The following LAMB1 variants were observed in gnomAD, a reference collection of about 807,000 sequenced individuals.
LAMB1 encodes laminin subunit beta-1.
In LAMB1, 121 loss-of-function variants were observed where a neutral mutation model predicts 222.3. That is an observed-to-expected ratio of 0.54 (90% confidence interval 0.47 to 0.63). LAMB1 has a LOEUF of 0.63. Among genes scored for constraint, LAMB1 ranks in the 30% least tolerant of loss-of-function variants. The pLI is 0.00. For synonymous variants in LAMB1, 794 were observed against 807.2 expected (o/e 0.98, Z 0.28); for missense variants, 2,172 against 2,240.8 (o/e 0.97, Z 0.62).
intron 21 of LAMB1, among the ~76,000 whole-genome samples, chr7:107,954,280 C>T (rs1181833109): frequency 6.6e-6 from 1 of 151,964 alleles, no homozygotes; most frequent in African/African-American, 2.4e-5. Flanking sequence ...TCAGCTTTCC[C>T]AGCAGCTGGG....
intron 13 of LAMB1, among the ~76,000 whole-genome samples, chr7:107,968,646 G>C (rs904844077): frequency 6.6e-6 from 1 of 151,996 alleles, no homozygotes; most frequent in Non-Finnish European, 1.5e-5. Flanking sequence ...ATGGAGAGAG[G>C]GGACCATGAG....
In LAMB1 at chr7:107,986,076, G is replaced by A. The variant is rs142924307; in HGVS notation, c.622C>T (p.Arg208Cys). 2.5e-6 allele frequency: 4 copies of A among 1,612,116 alleles called. No individual in the cohort carries two copies. The highest frequency in any genetic ancestry group is 1.1e-5 in the South Asian group (1 of 91,016). ...EPSTEGEVIF[R>C]ALDPAFKIED... Reference sequence around the variant, plus strand: ...ATTTTGAAAGCAGGATCTAAAGCACGAAATATCACCTAAAAATGGAAACAA... The same window carrying A: ...ATTTTGAAAGCAGGATCTAAAGCACAAAATATCACCTAAAAATGGAAACAA... The change falls in exon 7 of 34, where the codon CGT becomes TGT. Residue 208 changes from arginine (R) to cysteine (C), a missense_variant. Coordinates refer to ENST00000222399, the MANE Select transcript of LAMB1 (RefSeq NM_002291.3).
chr7:107,991,264 A>C (rs1485957830), intron 5 of LAMB1, among the ~76,000 whole-genome samples: 1 of 152,204 alleles, frequency 6.6e-6, no homozygotes, highest in African/African-American at 2.4e-5. Context: ...TTTTGGCAAG[A>C]AATGATCATT....
At position 107,975,020 on chromosome 7, in the gene LAMB1, C is replaced by T. The variant is rs764691109; in HGVS notation, c.1448G>A (p.Arg483His). The change falls in exon 12 of 34, where the codon CGT becomes CAT. Residue 483 changes from arginine to histidine, a missense_variant. Arg to His is a conservative substitution (Grantham distance 29, BLOSUM62 0). Transcript: ENST00000222399. ...DSETGHCYCKRLVTGQHCDQC... is the reference protein window; with the variant it reads ...DSETGHCYCKHLVTGQHCDQC... The stretch of plus-strand genomic sequence containing the variant: ...GTCACAATGCTGTCCTGTCACCAGA[C>T]GCTTGCAGTAGCAGTGACCTGTCTC... 30 of 1,611,328 alleles carry T rather than the reference C, an allele frequency of 1.9e-5. No homozygotes were observed. The highest frequency in any genetic ancestry group is 9.4e-5 in the African/African-American group (7 of 74,866).
intron 20 of LAMB1, among the ~76,000 whole-genome samples, chr7:107,957,418 A>C (rs1234474166): frequency 1.3e-5 from 2 of 151,250 alleles, no homozygotes; most frequent in Admixed American, 6.6e-5. Flanking sequence ...ACAACAACAA[A>C]AAGCCTGTAA....
chr7:107,961,230 C>G lies in LAMB1; in HGVS notation c.2085G>C (p.Glu695Asp), dbSNP rs1306144467. The change falls in exon 17 of 34, where the codon GAG becomes GAC. Residue 695 changes from glutamate to aspartate, a missense_variant. By Grantham distance (45) the Glu-to-Asp change is conservative. Transcript: ENST00000222399. ...PQYTSSDSDV[E>D]SPYTLIDSLV... Reference sequence around the variant, plus strand: ...CAGAATCGATCAGCGTGTAGGGGCTCTCCACGTCGCTATCAGAGGAGGTGT... The same window carrying G: ...CAGAATCGATCAGCGTGTAGGGGCTGTCCACGTCGCTATCAGAGGAGGTGT... 1 of 1,613,898 alleles carries G rather than the reference C, an allele frequency of 6.2e-7. No homozygotes were observed. Among genetic ancestry groups the G allele is most frequent in the African/African-American group, 1.3e-5 (1 of 74,860 alleles).
chr7:107,965,348 GA>G (rs2033611241), intron 13 of LAMB1, among the ~76,000 whole-genome samples: 1 of 152,202 alleles, frequency 6.6e-6, no homozygotes, highest in Non-Finnish European at 1.5e-5. Context: ...GGGAGGCCGA[GA>G]CAGGCGGATC....
Position 107,940,160 on chromosome 7 carries a change from G to C in LAMB1, c.3590C>G (p.Thr1197Arg). The change falls in exon 25 of 34, where the codon ACA becomes AGA. Residue 1197 changes from threonine to arginine, a missense_variant. By Grantham distance (71) the Thr-to-Arg change is moderately conservative. Transcript: ENST00000222399. Reference sequence around the variant, plus strand: ...CTTGGCTTTCTCCAGGAATCTGTGTGTCCTGTTGGTCAGCTCGGCAATGAT... The same window carrying C: ...CTTGGCTTTCTCCAGGAATCTGTGTCTCCTGTTGGTCAGCTCGGCAATGAT... ...DVIIAELTNRTHRFLEKAKAL... is the reference protein window; with the variant it reads ...DVIIAELTNRRHRFLEKAKAL... The C allele has an allele frequency of 6.2e-7, 1 of 1,614,152 alleles. No individual in the cohort carries two copies. Among genetic ancestry groups the C allele is most frequent in the East Asian group, 2.2e-5 (1 of 44,880 alleles).
chr7:107,971,369 T>G (rs2033745227), intron 13 of LAMB1, among the ~76,000 whole-genome samples: 4 of 152,244 alleles, frequency 2.6e-5, no homozygotes, highest in Admixed American at 2.6e-4. Flanking sequence ...TAAAAGGTTT[T>G]GATGAGTGAT....
At chr7:107,943,820 T>C (rs1158428597) in intron 24 of LAMB1, among the ~76,000 whole-genome samples, 1 of 152,180 alleles carries the variant, frequency 6.6e-6, no homozygotes, top group Non-Finnish European at 1.5e-5. Flanking sequence ...CATGTGCGTG[T>C]GTGTGTATCT....
intron 29 of LAMB1, chr7:107,929,831 TACTAGAATTTGTTTTAGGCTG>T: frequency 1.7e-6 from 1 of 581,504 alleles, no homozygotes. Context: ...AATTGAGTAC[TACTAGAATTTGTTTTAGGCTG>T]GGTAGTGAGG....
chr7:107,976,896 T>C (rs1279145937), intron 9 of LAMB1, among the ~76,000 whole-genome samples: 1 of 78,572 alleles, frequency 1.3e-5, no homozygotes, highest in Non-Finnish European at 2.7e-5. Flanking sequence ...CTTCCTTCCT[T>C]TCCTCTTGCT....
chr7:107,935,694 T>C, intron 26 of LAMB1, 38 bp from the exon 27 acceptor site: 1 of 1,603,562 alleles, frequency 6.2e-7, no homozygotes, highest in Non-Finnish European at 8.5e-7. Context: ...GTTAACCTCA[T>C]CATACTAGGC....
In LAMB1 at chr7:107,949,061, A is replaced by G. The variant is rs150090835; in HGVS notation, c.3391+2165T>C. Among the ~76,000 whole-genome samples, 1,429 of 152,286 alleles carry G rather than the reference A, an allele frequency of 9.4e-3. 15 individuals are homozygous for G. Among genetic ancestry groups the G allele is most frequent in the Non-Finnish European group, 0.014 (935 of 68,022 alleles). On this transcript the variant is annotated intron_variant, in intron 24 of 33. Transcript: ENST00000222399. ...CTGATGAAAAGTTTCTTACGTAATG[A>G]GCTGACCTTTCTTCTGGATGAAAGG...
At chr7:107,977,975 AC>A in intron 9 of LAMB1, 71 bp downstream of exon 9, 1 of 1,563,382 alleles carries the variant, frequency 6.4e-7, no homozygotes, top group Admixed American at 1.7e-5. Flanking sequence ...GTACACTGTT[AC>A]AGTACCTCTA....
chr7:107,932,702 C>T (rs746024138), intron 27 of LAMB1: 7 of 316,954 alleles, frequency 2.2e-5, no homozygotes, highest in Non-Finnish European at 4.1e-5. Flanking sequence ...CCAAGGAATG[C>T]CTTCCTTTTT....
At chr7:107,968,783 A>C (rs2033683604) in intron 13 of LAMB1, among the ~76,000 whole-genome samples, 1 of 152,254 alleles carries the variant, frequency 6.6e-6, no homozygotes, top group Non-Finnish European at 1.5e-5. Flanking sequence ...AGCTGGAAAC[A>C]GATTCTCCTT....
In LAMB1 at chr7:107,959,824, G is replaced by A. The variant is rs569047489; in HGVS notation, c.2325C>T (p.Cys775=). ...CGGAACTTAACGAACCCTGAGGGTC[G>A]CATTCACAAGCTGTGGGTAAAGAGA... ...LLHQTGLACE[C]DPQGSLSSVC... is the part of the protein sequence containing the mutation. The change falls in exon 19 of 34, where the codon TGC becomes TGT. Residue 775 remains cysteine (C), a synonymous_variant. Transcript: ENST00000222399. 10 of 1,612,198 alleles carry A rather than the reference G, an allele frequency of 6.2e-6. No homozygotes were observed. Among genetic ancestry groups the A allele is most frequent in the East Asian group, 4.5e-5 (2 of 44,858 alleles).
intron 29 of LAMB1, among the ~76,000 whole-genome samples, chr7:107,930,299 A>G (rs558544180): frequency 2.0e-5 from 3 of 152,234 alleles, no homozygotes; most frequent in East Asian, 1.9e-4. Context: ...TTTACTTTCA[A>G]GCTTTGCTTA....
Sources: allele counts gnomAD v4.1 joint callset (sites outside exome capture counted in the v4.1 genomes callset), GRCh38; gene constraint gnomAD v4.1.1; transcripts MANE v1.5; gene names NCBI Gene and HGNC (gene_info 2026-07-23, HGNC 2026-07-21).